The following MMP3 variants were observed in gnomAD, a reference collection of about 807,000 sequenced individuals.
MMP3 encodes stromelysin-1.
In MMP3, 46 loss-of-function variants were observed where a neutral mutation model predicts 47.3. The observed-to-expected ratio is 0.97, with a 90% CI of 0.77 to 1.24. MMP3 has a LOEUF of 1.24. MMP3 is among the 50% of genes most tolerant of loss of function. The probability of loss-of-function intolerance (pLI) is 0.00; values close to 1 mark genes in which losing one functional copy is unlikely to be tolerated. For missense variants in MMP3, 558 were observed against 565.5 expected (o/e 0.99, Z 0.13); for synonymous variants, 216 against 206.5 (o/e 1.05, Z -0.39).
rs570270254 is a variant in MMP3, at chr11:102,837,202, A to C, written c.1333+96T>G. On this transcript the variant is annotated intron_variant, in intron 9 of 9. Transcript: ENST00000299855. This position sits in a 1 kb window ranked among gnomAD's most constrained non-coding sequence, Gnocchi z 4.4. Reference sequence around the variant, plus strand: ...TTTGAGAAGGGAACTGGCCCTAAGAAACACTTGTTATTAAAAAGTTTCAAT... The same window carrying C: ...TTTGAGAAGGGAACTGGCCCTAAGACACACTTGTTATTAAAAAGTTTCAAT... 4.1e-5 allele frequency: 38 copies of C among 925,878 alleles called. No individual in the cohort carries two copies. The highest frequency in any genetic ancestry group is 5.3e-5 in the Non-Finnish European group (31 of 589,818). 57.4% of individuals were successfully genotyped at this position (925,878 alleles called of 1,614,324 possible).
intron 5 of MMP3, 51 bp downstream of exon 5, chr11:102,840,378 G>T (rs1555005258): frequency 6.2e-7 from 1 of 1,601,600 alleles, no homozygotes; most frequent in Non-Finnish European, 8.5e-7. Flanking sequence ...AAGCTCTTCT[G>T]AAGACCATCA....
In MMP3 at chr11:102,837,032, G is replaced by A. The variant is rs1215337535; in HGVS notation, c.1333+266C>T. On this transcript the variant is annotated intron_variant, in intron 9 of 9. Coordinates refer to ENST00000299855, the MANE Select transcript of MMP3 (RefSeq NM_002422.5). The surrounding 1 kb of genome is among the most constrained non-coding windows in gnomAD (Gnocchi z 4.4). ...CGAGCTTGACTCCACATGTTAGCTCGAGATGTAAGTGACACTGGAGCACTT... is the reference window on the plus strand; with the variant it reads ...CGAGCTTGACTCCACATGTTAGCTCAAGATGTAAGTGACACTGGAGCACTT... Among the ~76,000 whole-genome samples the A allele has an allele frequency of 6.6e-6, 1 of 152,164 alleles. No homozygotes were observed. The highest frequency in any genetic ancestry group is 1.5e-5 in the Non-Finnish European group (1 of 68,032).
chr11:102,838,975 A>C, intron 7 of MMP3, 135 bp downstream of exon 7: 2 of 943,254 alleles, frequency 2.1e-6, no homozygotes, highest in Non-Finnish European at 3.2e-6. Flanking sequence ...CAATGATATC[A>C]GCCCTGGTTA....
At chr11:102,841,737 G>A (rs1859001659) in intron 4 of MMP3, among the ~76,000 whole-genome samples, 1 of 150,564 alleles carries the variant, frequency 6.6e-6, no homozygotes, top group Non-Finnish European at 1.5e-5. Context: ...GAGAATCTCA[G>A]TTTCTGAAAT....
Position 102,835,932 on chromosome 11 carries a change from C to G in MMP3, c.*194G>C. 1 of 542,248 alleles carries G rather than the reference C, an allele frequency of 1.8e-6. No homozygotes were observed. Among genetic ancestry groups the G allele is most frequent in the Non-Finnish European group, 3.3e-6 (1 of 301,956 alleles). 33.6% of individuals were successfully genotyped at this position (542,248 alleles called of 1,614,324 possible). On this transcript the variant is annotated 3_prime_UTR_variant, in exon 10 of 10. Transcript: ENST00000299855. ...TCTATGTGACAAGGTGCAAGCTAAG[C>G]AGCAGCCCATTTGAATGCCCTGTAA...
Position 102,836,882 on chromosome 11 carries a change from CA to C in MMP3, c.1333+415del. On this transcript the variant is annotated intron_variant, in intron 9 of 9. Transcript: ENST00000299855. The surrounding 1 kb of genome is among the most constrained non-coding windows in gnomAD (Gnocchi z 4.6). ...TGACTGACAACTCAGGAAAGACAGA[CA>C]AAAAATCTCCCTGGGAATTAGTAGC... 4.8e-6 allele frequency: 1 copy of C among 207,532 alleles called. No homozygotes were observed. 12.9% of individuals were successfully genotyped at this position (207,532 alleles called of 1,614,324 possible). A position where few individuals can be genotyped will look rare whatever the true frequency, so the allele number is the denominator to read the frequency against.
At position 102,835,830 on chromosome 11, in the gene MMP3, A is replaced by G. The variant is rs1858869242; in HGVS notation, c.*296T>C. ...ATAACTGACAAATCGTCTTTATTAA[A>G]TAAGCAAATAGTCTACACAGATACA... On this transcript the variant is annotated 3_prime_UTR_variant, in exon 10 of 10. Transcript: ENST00000299855. 4.0e-6 allele frequency: 1 copy of G among 246,940 alleles called. No homozygotes were observed. Among genetic ancestry groups the G allele is most frequent in the Admixed American group, 4.9e-5 (1 of 20,476 alleles). The allele number at this position is 246,940 out of a possible 1,614,324, so 15.3% of individuals were successfully genotyped here.
intron 1 of MMP3, among the ~76,000 whole-genome samples, chr11:102,843,197 A>G (rs1565226611): frequency 6.6e-6 from 1 of 152,062 alleles, no homozygotes; most frequent in Non-Finnish European, 1.5e-5. Context: ...TGCTACTGCT[A>G]TGGTGTTGTG....
intron 4 of MMP3, among the ~76,000 whole-genome samples, chr11:102,841,211 A>AT (rs1858991290): frequency 6.6e-6 from 1 of 152,150 alleles, no homozygotes; most frequent in South Asian, 2.1e-4. Flanking sequence ...TTTATTCAAA[A>AT]TTTTTTCCTT....
In MMP3 at chr11:102,843,553, T is replaced by G. The variant is rs368234859; in HGVS notation, c.-7A>C. On this transcript the variant is annotated 5_prime_UTR_variant, in exon 1 of 10. Coordinates refer to ENST00000299855, the MANE Select transcript of MMP3 (RefSeq NM_002422.5). ...GGATTGGAAGACTCTTCATTTCCAC[T>G]GGCTTTACTTAGCTCTATGTTGTCT... 178 of 1,609,262 alleles carry G rather than the reference T, an allele frequency of 1.1e-4. No individual in the cohort carries two copies. The highest frequency in any genetic ancestry group is 1.4e-4 in the Non-Finnish European group (164 of 1,177,162).
chr11:102,836,028 C>T lies in MMP3; in HGVS notation c.*98G>A, dbSNP rs1858874296. The T allele has an allele frequency of 2.2e-6, 2 of 897,874 alleles. No individual in the cohort carries two copies. Among genetic ancestry groups the T allele is most frequent in the African/African-American group, 1.7e-5 (1 of 60,198 alleles). The allele number at this position is 897,874 out of a possible 1,614,324, so 55.6% of individuals were successfully genotyped here. ...CTTGAGTGTGACTCGAGTCACAGCA[C>T]AGGCAGGAGAAAACGAACATTTCAA... On this transcript the variant is annotated 3_prime_UTR_variant, in exon 10 of 10. Coordinates refer to ENST00000299855, the MANE Select transcript of MMP3 (RefSeq NM_002422.5). This position sits in a 1 kb window ranked among gnomAD's most constrained non-coding sequence, Gnocchi z 4.6.
chr11:102,842,406 T>A, intron 3 of MMP3, 25 bp downstream of exon 3: 1 of 447,998 alleles, frequency 2.2e-6, no homozygotes, highest in Non-Finnish European at 3.3e-6. Context: ...TTGTTTTGCT[T>A]TTTTTTTTTT....
intron 1 of MMP3, 136 bp from the exon 2 acceptor site, chr11:102,843,052 T>C (rs1859039156): frequency 2.7e-6 from 2 of 753,600 alleles, no homozygotes; most frequent in Non-Finnish European, 4.1e-6. Context: ...AATGGCAAAT[T>C]TTATAATATG....
chr11:102,842,109 TA>T (rs782020111), intron 4 of MMP3, 44 bp downstream of exon 4: 83 of 1,481,788 alleles, frequency 5.6e-5, no homozygotes, highest in Admixed American at 2.9e-4. Flanking sequence ...TTTCTACATA[TA>T]AAAAAATTAA....
At chr11:102,842,403 G>GCTTTTTTTTTTTTTTTTTTTTTTTTTTT in intron 3 of MMP3, 28 bp downstream of exon 3, 1 of 918,300 alleles carries the variant, frequency 1.1e-6, no homozygotes, top group Non-Finnish European at 1.3e-6. Flanking sequence ...GTTTTGTTTT[G>GCTTTTTTTTTTTTTTTTTTTTTTTTTTT]CTTTTTTTTT....
intron 8 of MMP3, among the ~76,000 whole-genome samples, chr11:102,838,069 A>T (rs1858916591): frequency 6.6e-6 from 1 of 152,160 alleles, no homozygotes; most frequent in Admixed American, 6.5e-5. Context: ...AGCCCTTGAA[A>T]ATCATATAGT....
rs553563916 is a variant in MMP3 at position 102,842,474 on chromosome 11, C to A, written c.456G>T (p.Leu152=). 7.2e-7 allele frequency: 1 copy of A among 1,394,972 alleles called. No individual in the cohort carries two copies. The highest frequency in any genetic ancestry group is 1.6e-5 in the African/African-American group (1 of 60,684). 86.4% of individuals were successfully genotyped at this position (1,394,972 alleles called of 1,614,324 possible). A position where few individuals can be genotyped will look rare whatever the true frequency, so the allele number is the denominator to read the frequency against. Reference sequence around the variant, plus strand: ...TCATTATATCAGCCTCTCCTTCATACAGCCTGGAGAATGTGAGTGGAGTCA... The same window carrying A: ...TCATTATATCAGCCTCTCCTTCATAAAGCCTGGAGAATGTGAGTGGAGTCA... The part of the protein sequence containing the change: ...EEVTPLTFSR[L]YEGEADIMIS... Residue 152 remains leucine (L), a synonymous_variant, in exon 3 of 10, where the codon CTG becomes CTT. Transcript: ENST00000299855.
chr11:102,837,298 CA>C lies in MMP3; in HGVS notation c.1332del (p.Phe444LeufsTer22). On this transcript the variant is annotated frameshift_variant and splice_region_variant, in exon 9 of 10. Transcript: ENST00000299855. LOFTEE classifies it high-confidence loss of function. The surrounding 1 kb of genome is among the most constrained non-coding windows in gnomAD (Gnocchi z 4.4). ...DSKIDAVFEE[F>X]GFFYFFTGSS... ...GCCAACACAGTAAGTATCCTCTTAC[CA>C]AATTCTTCAAAAACAGCATCAATCT... The C allele has an allele frequency of 6.2e-7, 1 of 1,610,970 alleles. No individual in the cohort carries two copies. The highest frequency in any genetic ancestry group is 8.5e-7 in the Non-Finnish European group (1 of 1,177,954).
chr11:102,842,404 C>CTTTTTTTTTTTTTTTTTTTTTTTTTCT (rs11418340), intron 3 of MMP3, 27 bp downstream of exon 3: 2 of 813,332 alleles, frequency 2.5e-6, no homozygotes, highest in Non-Finnish European at 1.6e-6. Context: ...TTTTGTTTTG[C>CTTTTTTTTTTTTTTTTTTTTTTTTTCT]TTTTTTTTTT....
Sources: gnomAD v4.1 joint callset for allele counts (sites outside exome capture counted in the v4.1 genomes callset) on GRCh38, gnomAD v4.1.1 for gene constraint, Gnocchi (gnomAD v3.1) non-coding constraint, MANE v1.5 for transcripts, NCBI Gene and HGNC (gene_info 2026-07-23, HGNC 2026-07-21) for gene names.